Variants in TRDN observed in about 807,000 individuals in gnomAD.
TRDN encodes the protein triadin.
Under a neutral mutation model 149.7 loss-of-function variants are expected in TRDN, and 161 were observed. That is an observed-to-expected ratio of 1.08 (90% CI 0.95 to 1.23). The LOEUF (loss-of-function observed/expected upper bound fraction) is 1.23. TRDN is among the 50% of genes most tolerant of loss of function. TRDN has a pLI of 0.00. For synonymous variants in TRDN, 294 were observed against 250.5 expected, an observed-to-expected ratio of 1.17 and a Z score of -1.64; for missense variants, 896 against 823.5, an observed-to-expected ratio of 1.09 and a Z score of -1.08.
chr6:123,585,809 T>C (rs1452426946), intron 1 of TRDN, among the ~76,000 whole-genome samples: 1 of 151,958 alleles, frequency 6.6e-6, no homozygotes, highest in African/African-American at 2.4e-5. Flanking sequence ...GTTCAGGCAT[T>C]TGGAAGTTCT....
Position 123,512,368 on chromosome 6 carries a change from A to G in TRDN, c.551-6T>C. 6.7e-7 allele frequency: 1 copy of G among 1,483,320 alleles called. No individual in the cohort carries two copies. The highest frequency in any genetic ancestry group is 9.2e-7 in the Non-Finnish European group (1 of 1,082,866). 91.9% of individuals were successfully genotyped at this position (1,483,320 alleles called of 1,614,324 possible). A position where few individuals can be genotyped will look rare whatever the true frequency, so the allele number is the denominator to read the frequency against. On this transcript the variant is annotated splice_polypyrimidine_tract_variant and splice_region_variant and intron_variant, in intron 6 of 40. Coordinates refer to ENST00000334268, the MANE Select transcript of TRDN (RefSeq NM_006073.4). ...AATTTTTTCCTTGTGAGTTGCTTAAACAGAAAATTTTACATTAGTACACAT... is the reference window on the plus strand; with the variant it reads ...AATTTTTTCCTTGTGAGTTGCTTAAGCAGAAAATTTTACATTAGTACACAT...
chr6:123,254,925 T>C (rs1445313496), intron 37 of TRDN, 156 bp downstream of exon 37: 1 of 584,680 alleles, frequency 1.7e-6, no homozygotes, highest in Non-Finnish European at 3.2e-6. Context: ...ATATAAGCTT[T>C]CTGCTAGATT....
chr6:123,354,643 C>T (rs1391685904), intron 20 of TRDN, among the ~76,000 whole-genome samples: 1 of 151,276 alleles, frequency 6.6e-6, no homozygotes, highest in South Asian at 2.1e-4. Context: ...GGAATTCATC[C>T]CAGAGAAACA....
intron 1 of TRDN, among the ~76,000 whole-genome samples, chr6:123,585,685 G>A (rs528946935): frequency 1.7e-4 from 26 of 152,116 alleles, no homozygotes; most frequent in African/African-American, 2.2e-4. Context: ...CAGATGGGAC[G>A]TGGCTTAGGA....
chr6:123,280,652 C>CTTTTTTTTTTT (rs34195939), intron 24 of TRDN, among the ~76,000 whole-genome samples: 1 of 135,534 alleles, frequency 7.4e-6, no homozygotes, highest in Non-Finnish European at 1.6e-5. Flanking sequence ...TCTTTTCTTT[C>CTTTTTTTTTTT]TTTTTTTTTT....
chr6:123,241,396 T>G (rs567068664), intron 38 of TRDN, among the ~76,000 whole-genome samples: 149 of 151,598 alleles, frequency 9.8e-4, no homozygotes, highest in Non-Finnish European at 1.5e-3. Context: ...AATATAAACT[T>G]TTATATCTAT....
At chr6:123,388,076 TA>T (rs1028495773) in intron 14 of TRDN, among the ~76,000 whole-genome samples, 1 of 138,296 alleles carries the variant, frequency 7.2e-6, no homozygotes, top group African/African-American at 2.7e-5. Context: ...CCAGAAAAAA[TA>T]GAACAAAAAA....
intron 1 of TRDN, among the ~76,000 whole-genome samples, chr6:123,603,161 G>GAAT (rs144847461): frequency 6.0e-5 from 8 of 133,596 alleles, no homozygotes; most frequent in African/African-American, 1.6e-4. Context: ...ACTTTTTTCT[G>GAAT]TGTACACATA....
intron 20 of TRDN, among the ~76,000 whole-genome samples, chr6:123,362,180 C>G (rs1780933806): frequency 6.6e-6 from 1 of 152,116 alleles, no homozygotes; most frequent in African/African-American, 2.4e-5. Context: ...TGAAATTCCA[C>G]TGAATATACT....
At chr6:123,292,336 A>C (rs574490060) in intron 24 of TRDN, among the ~76,000 whole-genome samples, 5 of 152,078 alleles carry the variant, frequency 3.3e-5, no homozygotes, top group Admixed American at 3.3e-4. Context: ...GTGGACACTT[A>C]TTGGCCCTTG....
At position 123,588,484 on chromosome 6, in the gene TRDN, G is replaced by A. The variant is rs991193156; in HGVS notation, c.23-17352C>T. On this transcript the variant is annotated intron_variant, in intron 1 of 40. Transcript: ENST00000334268. ...TCAGGTTTACTTTGGAGTTCCCTGG[G>A]CAGAGAGGAAGGAGCCATTCAGTAA... Among the ~76,000 whole-genome samples, 6 of 152,150 alleles carry A rather than the reference G, an allele frequency of 3.9e-5. No individual in the cohort carries two copies. In the South Asian group the frequency reaches 1.0e-3, roughly 26 times the overall value.
At chr6:123,350,446 A>G (rs1780419362) in intron 21 of TRDN, 1 of 563,480 alleles carries the variant, frequency 1.8e-6, no homozygotes, top group Non-Finnish European at 2.2e-6. Context: ...ATATTTAAAG[A>G]GAATTTAACT....
chr6:123,416,550 C>G (rs947625507), intron 12 of TRDN, among the ~76,000 whole-genome samples: 1 of 152,208 alleles, frequency 6.6e-6, no homozygotes, highest in Admixed American at 6.6e-5. Context: ...CTTCCATATT[C>G]TCTATCCACT....
In TRDN at chr6:123,269,841, T is replaced by C. The variant is rs368262681; in HGVS notation, c.1738+8A>G. 4.3e-6 allele frequency: 7 copies of C among 1,610,490 alleles called. No individual in the cohort carries two copies. In the African/African-American group the frequency reaches 6.7e-5, roughly 15 times the overall value. ...TATTTCTCAGGTGTTATTCTATTCA[T>C]CTCTTACTTGTTGGTTTGGGCTTGG... On this transcript the variant is annotated splice_region_variant and intron_variant, in intron 31 of 40. Coordinates refer to ENST00000334268, the MANE Select transcript of TRDN (RefSeq NM_006073.4).
chr6:123,448,715 T>A (rs1041918529), intron 10 of TRDN, among the ~76,000 whole-genome samples: 1 of 152,092 alleles, frequency 6.6e-6, no homozygotes, highest in African/African-American at 2.4e-5. Flanking sequence ...CTGCAGCTGA[T>A]GCTCTCTGGA....
Position 123,350,922 on chromosome 6 carries a change from C to G in TRDN, c.1369+1617G>C, listed in dbSNP as rs933195785. On this transcript the variant is annotated intron_variant, in intron 21 of 40. Transcript: ENST00000334268. ...AGATCCTATCTCTAAGAACCATTTC[C>G]AGTCTCTTGTCCACTAGAGGAGACA... 15 of 984,818 alleles carry G rather than the reference C, an allele frequency of 1.5e-5. No individual in the cohort carries two copies. The African/African-American group carries it at 2.4e-4, about 16-fold the overall frequency. The allele number at this position is 984,818 out of a possible 1,614,324, so 61.0% of individuals were successfully genotyped here.
chr6:123,507,091 T>C (rs1425104854), intron 7 of TRDN, among the ~76,000 whole-genome samples: 3 of 152,250 alleles, frequency 2.0e-5, no homozygotes, highest in African/African-American at 7.2e-5. Flanking sequence ...ATATGTATAA[T>C]ATAGTGATAT....
intron 23 of TRDN, among the ~76,000 whole-genome samples, chr6:123,330,526 G>A (rs1779616530): frequency 6.6e-6 from 1 of 151,884 alleles, no homozygotes; most frequent in Non-Finnish European, 1.5e-5. Flanking sequence ...ATAGTGTGCA[G>A]CAATAAACTA....
At chr6:123,283,438 C>T (rs1035123907) in intron 24 of TRDN, among the ~76,000 whole-genome samples, 5 of 151,390 alleles carry the variant, frequency 3.3e-5, no homozygotes, top group Admixed American at 6.6e-5. Context: ...CAAACCCAAA[C>T]CCAGCAGAAG....
Sources: gnomAD v4.1 joint callset for allele counts (sites outside exome capture counted in the v4.1 genomes callset) on GRCh38, gnomAD v4.1.1 for gene constraint, MANE v1.5 for transcripts, NCBI Gene and HGNC (gene_info 2026-07-23, HGNC 2026-07-21) for gene names.